RCBTB1: variants seen among roughly 807,000 people sequenced by gnomAD.
The protein encoded by RCBTB1 is RCC1 and BTB domain-containing protein 1.
RCBTB1 carries 46 observed loss-of-function variants against 62.4 expected under a neutral mutation model. The ratio of observed to expected loss-of-function variants is 0.74; its 90% CI spans 0.58 to 0.94. RCBTB1 has a LOEUF of 0.94. Ranked by LOEUF, RCBTB1 falls within the 40% of genes least tolerant of loss-of-function variation. The pLI is 0.00. For synonymous variants in RCBTB1, 222 were observed against 245.8 expected (o/e 0.90, Z 0.91); for missense variants, 565 against 654.9 (o/e 0.86, Z 1.50).
At chr13:49,566,534 C>G (rs1275450455) in intron 4 of RCBTB1, 84 bp downstream of exon 4, 15 of 1,250,592 alleles carry the variant, frequency 1.2e-5, no homozygotes, top group Admixed American at 9.7e-5. Flanking sequence ...AATCAGTTAT[C>G]TGGTATAGCC....
chr13:49,544,794 A>C lies in RCBTB1; in HGVS notation c.1115T>G (p.Leu372Arg), dbSNP rs774201533. 6.2e-7 allele frequency: 1 copy of C among 1,609,976 alleles called. No individual in the cohort carries two copies. Among genetic ancestry groups the C allele is most frequent in the Non-Finnish European group, 8.5e-7 (1 of 1,176,786 alleles). ...KEFDSPETAD[L>R]KFRIDGKYIH... ...ATATTTTCCATCAATTCGAAACTTC[A>C]GATCAGCAGTTTCTGGACTATCAAA... The change falls in exon 10 of 13, where the codon CTG (leucine) becomes CGG (arginine). Residue 372 changes from leucine (L) to arginine (R), a missense_variant. By Grantham distance (102) the Leu-to-Arg change is moderately radical. Coordinates refer to ENST00000378302, the MANE Select transcript of RCBTB1 (RefSeq NM_018191.4).
At chr13:49,559,523 G>A (rs1962247075) in intron 5 of RCBTB1, among the ~76,000 whole-genome samples, 1 of 152,114 alleles carries the variant, frequency 6.6e-6, no homozygotes, top group Non-Finnish European at 1.5e-5. Flanking sequence ...GGGTGTGGTG[G>A]TGGGTGCCTG....
intron 4 of RCBTB1, 41 bp downstream of exon 4, chr13:49,566,572 GGTCAA>G (rs766461767): frequency 1.3e-6 from 2 of 1,579,126 alleles, no homozygotes; most frequent in East Asian, 4.5e-5. Flanking sequence ...AGAATTAACC[GGTCAA>G]TTTCTTACAA....
chr13:49,578,801 A>G (rs183608720), intron 2 of RCBTB1, among the ~76,000 whole-genome samples: 4 of 152,330 alleles, frequency 2.6e-5, no homozygotes, highest in African/African-American at 9.6e-5. Context: ...AGAAGAACAA[A>G]GTGTTCTTCA....
At chr13:49,544,628 G>C (rs1237719893) in intron 10 of RCBTB1, 109 bp downstream of exon 10, 1 of 842,962 alleles carries the variant, frequency 1.2e-6, no homozygotes. Flanking sequence ...ATATTAAGTA[G>C]TGACATTTCT....
intron 11 of RCBTB1, 144 bp from the exon 12 acceptor site, chr13:49,541,150 T>A: frequency 1.5e-6 from 1 of 656,944 alleles, no homozygotes; most frequent in South Asian, 2.2e-5. Context: ...ATAAATTCTC[T>A]TTTTTACTGT....
intron 4 of RCBTB1, among the ~76,000 whole-genome samples, chr13:49,563,302 T>A (rs1962607413): frequency 8.5e-6 from 1 of 117,604 alleles, no homozygotes; most frequent in South Asian, 2.9e-4. Flanking sequence ...CAATGAGCCA[T>A]AATCACTCCA....
intron 12 of RCBTB1, among the ~76,000 whole-genome samples, chr13:49,537,050 G>C (rs1374758988): frequency 7.9e-5 from 12 of 152,092 alleles, no homozygotes; most frequent in African/African-American, 2.9e-4. Context: ...GCCTCTAAGG[G>C]AGTTCTTACC....
intron 9 of RCBTB1, 51 bp from the exon 10 acceptor site, chr13:49,544,914 A>G (rs1960679699): frequency 6.7e-7 from 1 of 1,495,160 alleles, no homozygotes; most frequent in East Asian, 2.3e-5. Flanking sequence ...AACAGATTGA[A>G]GATTCAAAAG....
At chr13:49,555,713 G>C in intron 5 of RCBTB1, 40 bp from the exon 6 acceptor site, 4 of 1,434,962 alleles carry the variant, frequency 2.8e-6, no homozygotes, top group Non-Finnish European at 3.8e-6. Flanking sequence ...GAATAGTCAG[G>C]GTGAAAATTC....
chr13:49,549,470 G>A lies in RCBTB1; in HGVS notation c.1033C>T (p.Leu345Phe), dbSNP rs762289572. 6.2e-7 allele frequency: 1 copy of A among 1,610,088 alleles called. No individual in the cohort carries two copies. The highest frequency in any genetic ancestry group is 1.1e-5 in the South Asian group (1 of 90,896). The change falls in exon 9 of 13, where the codon CTC becomes TTC. Residue 345 changes from leucine to phenylalanine, a missense_variant. Leu to Phe is a conservative substitution (Grantham distance 22, BLOSUM62 0). Transcript: ENST00000378302. ...TGCACTTTCTTACCCACAGACAGGA[G>A]GCGCCACGAGACGGCGGGAGTGGCA... The part of the protein sequence containing the change: ...CFATPAVSWR[L>F]LSVEHEDFLT...
chr13:49,566,993 T>C (rs1208971812), intron 3 of RCBTB1, among the ~76,000 whole-genome samples, 161 bp downstream of exon 3: 2 of 152,158 alleles, frequency 1.3e-5, no homozygotes, highest in African/African-American at 4.8e-5. Flanking sequence ...GGGTATTAAA[T>C]CAAGAAACTG....
At chr13:49,551,151 A>AAAGGGGG in intron 8 of RCBTB1, 175 bp downstream of exon 8, 2 of 549,472 alleles carry the variant, frequency 3.6e-6, no homozygotes, top group Non-Finnish European at 6.0e-6. Context: ...GGGAAGGGGG[A>AAAGGGGG]AGCAGGGAGG....
At chr13:49,551,301 C>G (rs1961315768) in intron 8 of RCBTB1, 25 bp downstream of exon 8, 2 of 1,611,838 alleles carry the variant, frequency 1.2e-6, no homozygotes, top group Non-Finnish European at 1.7e-6. Context: ...ACACACAGTC[C>G]CAAGACGTGG....
At chr13:49,546,828 G>T in intron 9 of RCBTB1, 1 of 371,636 alleles carries the variant, frequency 2.7e-6, no homozygotes, top group Non-Finnish European at 3.7e-6. Context: ...TTCGCTCACT[G>T]CCACTCACCT....
At chr13:49,583,913 C>G (rs1356310948) in intron 1 of RCBTB1, among the ~76,000 whole-genome samples, 3 of 152,138 alleles carry the variant, frequency 2.0e-5, no homozygotes, top group African/African-American at 7.2e-5. Context: ...AATGCCCTGC[C>G]TAGATTCTAG....
intron 9 of RCBTB1, chr13:49,546,776 G>GATT (rs2139156468): frequency 5.8e-6 from 1 of 172,590 alleles, no homozygotes; most frequent in South Asian, 1.9e-4. Flanking sequence ...AGCTCAGGCG[G>GATT]TAATGTGAGT....
At chr13:49,582,519 G>T (rs546065739) in intron 1 of RCBTB1, among the ~76,000 whole-genome samples, 123 of 152,228 alleles carry the variant, frequency 8.1e-4, no homozygotes, top group Middle Eastern at 3.4e-3. Context: ...AAATGCAAGA[G>T]AAACTGTAGA....
At chr13:49,568,292 T>C (rs1227541156) in intron 2 of RCBTB1, among the ~76,000 whole-genome samples, 4 of 152,238 alleles carry the variant, frequency 2.6e-5, no homozygotes, top group African/African-American at 7.2e-5. Context: ...CCTTATTTTC[T>C]ACTGAGAGAC....
Sources: gnomAD v4.1 joint callset for allele counts (sites outside exome capture counted in the v4.1 genomes callset) on GRCh38, gnomAD v4.1.1 for gene constraint, MANE v1.5 for transcripts, NCBI Gene and HGNC (gene_info 2026-07-23, HGNC 2026-07-21) for gene names.